EXOSC10: variants seen among roughly 807,000 people sequenced by gnomAD.
The protein encoded by EXOSC10 is exosome complex component 10.
EXOSC10 carries 94 observed loss-of-function variants against 126.6 expected under a neutral mutation model. The ratio of observed to expected loss-of-function variants is 0.74; its 90% CI spans 0.63 to 0.88. The LOEUF (loss-of-function observed/expected upper bound fraction) is 0.88. Ranked by LOEUF, EXOSC10 falls within the 40% of genes least tolerant of loss-of-function variation. EXOSC10 has a pLI of 0.00. For missense variants in EXOSC10, 1,041 were observed against 1,100.5 expected (o/e 0.95, Z 0.77); for synonymous variants, 395 against 400.8 (o/e 0.99, Z 0.17).
intron 9 of EXOSC10, among the ~76,000 whole-genome samples, chr1:11,086,450 GT>G (rs1345937143): frequency 2.0e-5 from 3 of 152,176 alleles, no homozygotes; most frequent in Admixed American, 2.0e-4. Flanking sequence ...TTGTATTTCT[GT>G]GGGATCAGTG....
rs1172097710 is a variant in EXOSC10, at chr1:11,068,038, C to G, written c.2597G>C (p.Ser866Thr). ...KKIKQSVGNK[S>T]MSFPTGKSDR... Reference sequence around the variant, plus strand: ...TGACTTTCCAGTTGGAAAGGACATGCTTTTGTTTCCCACCGACTGTTTAAT... The same window carrying G: ...TGACTTTCCAGTTGGAAAGGACATGGTTTTGTTTCCCACCGACTGTTTAAT... Residue 866 changes from serine to threonine, a missense_variant, in exon 24 of 25, where the codon AGC (serine) becomes ACC (threonine). Ser to Thr is a moderately conservative substitution (Grantham distance 58, BLOSUM62 1). Coordinates refer to ENST00000376936, the MANE Select transcript of EXOSC10 (RefSeq NM_001001998.3). 6.2e-7 allele frequency: 1 copy of G among 1,614,064 alleles called. No individual in the cohort carries two copies. Among genetic ancestry groups the G allele is most frequent in the African/African-American group, 1.3e-5 (1 of 74,922 alleles).
intron 10 of EXOSC10, chr1:11,082,458 C>T (rs1397450749): frequency 5.4e-6 from 6 of 1,101,826 alleles, no homozygotes; most frequent in Non-Finnish European, 7.3e-6. Context: ...TCTTTTTCAA[C>T]CACTATTTCC....
At position 11,069,643 on chromosome 1, in the gene EXOSC10, A is replaced by C; in HGVS notation, c.2404T>G (p.Ser802Ala). 1 of 1,614,020 alleles carries C rather than the reference A, an allele frequency of 6.2e-7. No individual in the cohort carries two copies. Residue 802 changes from serine (S) to alanine (A), a missense_variant, in exon 22 of 25, where the codon TCC becomes GCC. Coordinates refer to ENST00000376936, the MANE Select transcript of EXOSC10 (RefSeq NM_001001998.3). Reference sequence around the variant, plus strand: ...GGCTCTGGGTCCTTTGGCTTCTTGGAAATTTTGAGTCGTTTCTTCTCTTGT... The same window carrying C: ...GGCTCTGGGTCCTTTGGCTTCTTGGCAATTTTGAGTCGTTTCTTCTCTTGT... The part of the protein sequence containing the change: ...QKQEKKRLKI[S>A]KKPKDPEPPE...
At chr1:11,074,454 C>T (rs540089957) in intron 17 of EXOSC10, 128 bp from the exon 18 acceptor site, 1 of 651,806 alleles carries the variant, frequency 1.5e-6, no homozygotes, top group South Asian at 1.8e-5. Context: ...GCTCTTTTGC[C>T]CAGGCTGGAG....
At chr1:11,096,089 T>C (rs532365856) in intron 2 of EXOSC10, among the ~76,000 whole-genome samples, 2 of 152,178 alleles carry the variant, frequency 1.3e-5, no homozygotes, top group African/African-American at 4.8e-5. Context: ...GTTCAAGCGA[T>C]TCTCGTGTCT....
Position 11,079,768 on chromosome 1 carries a change from C to T in EXOSC10, c.1692G>A (p.Gln564=). Residue 564 remains glutamine (Q), a synonymous_variant, in exon 14 of 25, where the codon CAG becomes CAA. Coordinates refer to ENST00000376936, the MANE Select transcript of EXOSC10 (RefSeq NM_001001998.3). ...CCNPVPPLVR[Q]QINEMHLLIQ... is the part of the protein sequence containing the mutation. ...TTAAAAGGTGCATTTCGTTGATCTG[C>T]TGCCGCACAAGGGGCGGTACTGGGT... The T allele has an allele frequency of 1.9e-6, 3 of 1,613,998 alleles. No homozygotes were observed. The South Asian group carries it at 3.3e-5, about 18-fold the overall frequency.
chr1:11,080,367 G>T, intron 13 of EXOSC10, 132 bp downstream of exon 13: 1 of 1,124,600 alleles, frequency 8.9e-7, no homozygotes, highest in Non-Finnish European at 1.3e-6. Context: ...CCTTCAACTT[G>T]CTACCTTCCA....
intron 9 of EXOSC10, among the ~76,000 whole-genome samples, chr1:11,083,987 A>G (rs1570827696): frequency 6.6e-6 from 1 of 152,206 alleles, no homozygotes; most frequent in Non-Finnish European, 1.5e-5. Context: ...GTAGTATTCC[A>G]TGGTGTATAT....
chr1:11,084,086 A>G (rs541202121), intron 9 of EXOSC10, among the ~76,000 whole-genome samples: 106 of 152,314 alleles, frequency 7.0e-4, no homozygotes, highest in African/African-American at 2.2e-3. Context: ...CGCAATAAAC[A>G]TATGTGTGCA....
rs953353395 is a variant in EXOSC10 at position 11,070,879 on chromosome 1, A to G, written c.2316+21T>C. ...AGGGGCATCGTTTTTCAAAGGAAAA[A>G]GGAGAAAAGCTGGCACATACCACGA... On this transcript the variant is annotated intron_variant, in intron 21 of 24. Coordinates refer to ENST00000376936, the MANE Select transcript of EXOSC10 (RefSeq NM_001001998.3). The G allele has an allele frequency of 3.1e-6, 5 of 1,608,048 alleles. No homozygotes were observed. In the African/African-American group the frequency reaches 5.4e-5, roughly 17 times the overall value.
intron 9 of EXOSC10, 109 bp from the exon 10 acceptor site, chr1:11,082,987 G>A (rs1042945707): frequency 1.3e-4 from 117 of 879,778 alleles, no homozygotes; most frequent in Middle Eastern, 5.8e-4. Context: ...GGTAGTCTCC[G>A]CTGTCCCATC....
intron 20 of EXOSC10, 68 bp downstream of exon 20, chr1:11,072,019 G>C: frequency 7.6e-7 from 1 of 1,319,544 alleles, no homozygotes; most frequent in African/African-American, 1.5e-5. Context: ...CTGGCACTTG[G>C]CTGAAACAGC....
chr1:11,070,921 G>A lies in EXOSC10; in HGVS notation c.2295C>T (p.Ile765=). 3 of 1,614,148 alleles carry A rather than the reference G, an allele frequency of 1.9e-6. No homozygotes were observed. The highest frequency in any genetic ancestry group is 2.5e-6 in the Non-Finnish European group (3 of 1,180,002). Residue 765 remains isoleucine (I), a synonymous_variant, in exon 21 of 25, where the codon ATC becomes ATT. Coordinates refer to ENST00000376936, the MANE Select transcript of EXOSC10 (RefSeq NM_001001998.3). Reference sequence around the variant, plus strand: ...ATACCACGACCTGCTGTCGGACGGAGATGGCCTGTTCTGCTGCAGCTTTGC... The same window carrying A: ...ATACCACGACCTGCTGTCGGACGGAAATGGCCTGTTCTGCTGCAGCTTTGC... ...EACKAAAEQA[I]SVRQQVVLEN...
chr1:11,090,419 C>T, intron 6 of EXOSC10, 135 bp downstream of exon 6: 1 of 749,160 alleles, frequency 1.3e-6, no homozygotes, highest in Non-Finnish European at 2.3e-6. Flanking sequence ...GGTTTTATTG[C>T]TAAGGCCCAG....
In EXOSC10 at chr1:11,079,719, G is replaced by A. The variant is rs1420249927; in HGVS notation, c.1741C>T (p.Leu581=). The A allele has an allele frequency of 1.2e-6, 2 of 1,613,098 alleles. No individual in the cohort carries two copies. Among genetic ancestry groups the A allele is most frequent in the Admixed American group, 3.3e-5 (2 of 59,938 alleles). ...LLIQQAREMP[L]LKSEVAAGVK... ...GCAGAAAAGCTTCTTACCTTGAGCA[G>A]GGGCATCTCTCGGGCCTGCTGGATT... Residue 581 remains leucine (L), a synonymous_variant, in exon 14 of 25, where the codon CTG becomes TTG. Coordinates refer to ENST00000376936, the MANE Select transcript of EXOSC10 (RefSeq NM_001001998.3).
chr1:11,066,619 T>C lies in EXOSC10; in HGVS notation c.*99A>G. ...ACAAAATAAAAGTCAGGAATCAGCTTTCTTCAGGAAGAATTTTAATGGTTT... is the reference window on the plus strand; with the variant it reads ...ACAAAATAAAAGTCAGGAATCAGCTCTCTTCAGGAAGAATTTTAATGGTTT... On this transcript the variant is annotated 3_prime_UTR_variant, in exon 25 of 25. Transcript: ENST00000376936. 7.1e-7 allele frequency: 1 copy of C among 1,414,536 alleles called. No individual in the cohort carries two copies. Among genetic ancestry groups the C allele is most frequent in the South Asian group, 1.2e-5 (1 of 86,652 alleles). The allele number at this position is 1,414,536 out of a possible 1,614,324, so 87.6% of individuals were successfully genotyped here. A position where few individuals can be genotyped will look rare whatever the true frequency, so the allele number is the denominator to read the frequency against.
At chr1:11,095,530 G>A (rs1173431968) in intron 3 of EXOSC10, 7 of 353,832 alleles carry the variant, frequency 2.0e-5, no homozygotes, top group Admixed American at 3.8e-5. Context: ...TGGCTAACAC[G>A]GTGAAACCCC....
At chr1:11,091,292 A>C (rs1183682246) in intron 4 of EXOSC10, 113 bp from the exon 5 acceptor site, 2 of 1,112,814 alleles carry the variant, frequency 1.8e-6, no homozygotes, top group Non-Finnish European at 2.6e-6. Context: ...TCATTCATTC[A>C]TTTAAGAATG....
chr1:11,085,343 C>T (rs1246958146), intron 9 of EXOSC10, among the ~76,000 whole-genome samples: 1 of 152,176 alleles, frequency 6.6e-6, no homozygotes, highest in African/African-American at 2.4e-5. Context: ...AGGTCCTTCA[C>T]GTCCCTTGTA....
Sources: allele counts gnomAD v4.1 joint callset (sites outside exome capture counted in the v4.1 genomes callset), GRCh38; gene constraint gnomAD v4.1.1; transcripts MANE v1.5; gene names NCBI Gene and HGNC (gene_info 2026-07-23, HGNC 2026-07-21).